THSD7B: variants seen among roughly 807,000 people sequenced by gnomAD.
THSD7B encodes the protein thrombospondin type-1 domain-containing protein 7B.
Under a neutral mutation model 213.6 loss-of-function variants are expected in THSD7B, and 138 were observed. The observed-to-expected ratio is 0.65, with a 90% CI of 0.56 to 0.74. The LOEUF is 0.74. Among genes scored for constraint, THSD7B ranks in the 30% least tolerant of loss-of-function variants. THSD7B has a pLI of 0.00. For missense variants in THSD7B, 1,931 were observed against 1,991.5 expected (o/e 0.97, Z 0.58); for synonymous variants, 742 against 687.0 (o/e 1.08, Z -1.25).
At chr2:136,936,781 T>G (rs369559884) in intron 2 of THSD7B, among the ~76,000 whole-genome samples, 1 of 152,074 alleles carries the variant, frequency 6.6e-6, no homozygotes, top group African/African-American at 2.4e-5. Context: ...AGCTTACTCA[T>G]GTAACCAAAT....
chr2:136,899,153 G>A (rs1684018478), intron 2 of THSD7B, among the ~76,000 whole-genome samples: 1 of 152,068 alleles, frequency 6.6e-6, no homozygotes, highest in African/African-American at 2.4e-5. Flanking sequence ...AGCTTATATT[G>A]TCGAGAGGAC....
rs1036584420 is a variant in THSD7B, at chr2:137,250,210, A to G, written c.2266+7638A>G. On this transcript the variant is annotated intron_variant, in intron 10 of 27. Coordinates refer to ENST00000409968, the MANE Select transcript of THSD7B (RefSeq NM_001316349.2). ...ATTAAATTTATAATAGCTATAATTT[A>G]TATGCATTACTCTATTTGATTACTT... is the stretch of plus-strand genomic sequence containing the variant. Among the ~76,000 whole-genome samples, 46 of 152,240 alleles carry G rather than the reference A, an allele frequency of 3.0e-4. 1 individual carries two copies. Among genetic ancestry groups the G allele is most frequent in the Non-Finnish European group, 1.6e-4 (11 of 68,040 alleles).
intron 10 of THSD7B, among the ~76,000 whole-genome samples, chr2:137,266,914 G>A (rs1386455605): frequency 6.6e-6 from 1 of 152,028 alleles, no homozygotes; most frequent in South Asian, 2.1e-4. Flanking sequence ...CTCATTAATC[G>A]AATAACTCTG....
chr2:137,100,606 C>T (rs1295325509), intron 4 of THSD7B, among the ~76,000 whole-genome samples: 4 of 151,960 alleles, frequency 2.6e-5, no homozygotes, highest in Non-Finnish European at 4.4e-5. Context: ...AGAGTAGCAC[C>T]TAGAAAAGTG....
intron 12 of THSD7B, among the ~76,000 whole-genome samples, chr2:137,321,925 T>C (rs1222160567): frequency 1.3e-5 from 2 of 152,136 alleles, no homozygotes; most frequent in South Asian, 2.1e-4. Flanking sequence ...GTGAGATGCA[T>C]TGGCTTTATT....
rs59827221 is a variant in THSD7B at position 136,913,333 on chromosome 2, G to C, written c.139+31016G>C. Among the ~76,000 whole-genome samples the C allele has an allele frequency of 8.7e-3, 1,321 of 152,324 alleles. 29 individuals are homozygous for C. Among genetic ancestry groups the C allele is most frequent in the African/African-American group, 0.031 (1,278 of 41,560 alleles). On this transcript the variant is annotated intron_variant, in intron 2 of 27. Transcript: ENST00000409968. Reference sequence around the variant, plus strand: ...GACATTCAGTGTTAAAAGGGAAATAGAGCATAAAAGTTCAGAAAATTTGCA... The same window carrying C: ...GACATTCAGTGTTAAAAGGGAAATACAGCATAAAAGTTCAGAAAATTTGCA...
At chr2:137,532,988 CTGTATCTA>C (rs1490232934) in intron 15 of THSD7B, among the ~76,000 whole-genome samples, 1 of 150,818 alleles carries the variant, frequency 6.6e-6, no homozygotes, top group Non-Finnish European at 1.5e-5. Flanking sequence ...TACATTCTGT[CTGTATCTA>C]TGTATCTATG....
chr2:137,082,088 T>A (rs528630330), intron 3 of THSD7B, among the ~76,000 whole-genome samples: 1 of 152,146 alleles, frequency 6.6e-6, no homozygotes, highest in African/African-American at 2.4e-5. Context: ...AACTGCCAAG[T>A]TCCGAACTGT....
chr2:136,945,322 T>A (rs931866441), intron 2 of THSD7B, among the ~76,000 whole-genome samples: 2 of 152,062 alleles, frequency 1.3e-5, no homozygotes, highest in African/African-American at 4.8e-5. Flanking sequence ...GGTTGTAGAG[T>A]TTCTGCCAAG....
intron 12 of THSD7B, among the ~76,000 whole-genome samples, chr2:137,373,021 A>G (rs1403899233): frequency 6.6e-6 from 1 of 152,048 alleles, no homozygotes; most frequent in African/African-American, 2.4e-5. Context: ...TACAAAGGAC[A>G]TGAACTCATC....
At chr2:137,053,057 A>C (rs2104873275) in intron 2 of THSD7B, among the ~76,000 whole-genome samples, 1 of 152,252 alleles carries the variant, frequency 6.6e-6, no homozygotes, top group Non-Finnish European at 1.5e-5. Flanking sequence ...AGGTTTATTA[A>C]CATGCATGTG....
At chr2:137,327,890 C>A (rs1684407323) in intron 12 of THSD7B, among the ~76,000 whole-genome samples, 1 of 152,048 alleles carries the variant, frequency 6.6e-6, no homozygotes, top group African/African-American at 2.4e-5. Flanking sequence ...TCTTTGGGAG[C>A]CTCTTTGTGA....
chr2:137,611,463 G>C (rs1682288205), intron 17 of THSD7B, among the ~76,000 whole-genome samples: 1 of 151,972 alleles, frequency 6.6e-6, no homozygotes. Flanking sequence ...TGATGAAATT[G>C]CTTAACCTCT....
intron 1 of THSD7B, among the ~76,000 whole-genome samples, chr2:136,817,286 C>T (rs113075392): frequency 0.016 from 2,500 of 151,876 alleles, 64 homozygotes; most frequent in African/African-American, 0.058. Flanking sequence ...GAGTAGGTTG[C>T]GAAAATTTTC....
In THSD7B at chr2:137,281,772, A is replaced by G. The variant is rs547817361; in HGVS notation, c.2500+5746A>G. ...GGCTGCATAGTATTCCATGGTGTAT[A>G]TGTGCCACATTTTCTTAATCCAGTC... On this transcript the variant is annotated intron_variant, in intron 12 of 27. Transcript: ENST00000409968. Among the ~76,000 whole-genome samples, 6 of 152,174 alleles carry G rather than the reference A, an allele frequency of 3.9e-5. No individual in the cohort carries two copies. The East Asian group carries it at 7.7e-4, about 20-fold the overall frequency.
intron 2 of THSD7B, among the ~76,000 whole-genome samples, chr2:136,898,425 G>A (rs1433975181): frequency 2.0e-5 from 3 of 152,038 alleles, no homozygotes; most frequent in Non-Finnish European, 4.4e-5. Context: ...GCCCGCCTCC[G>A]TCTTCCAAAG....
intron 1 of THSD7B, among the ~76,000 whole-genome samples, chr2:136,880,610 C>T (rs1245880516): frequency 6.6e-6 from 1 of 152,012 alleles, no homozygotes; most frequent in African/African-American, 2.4e-5. Flanking sequence ...AAAGGGATCC[C>T]ATCAGTTCAG....
At chr2:137,631,297 A>G (rs1443500626) in intron 20 of THSD7B, among the ~76,000 whole-genome samples, 1 of 152,216 alleles carries the variant, frequency 6.6e-6, no homozygotes, top group Non-Finnish European at 1.5e-5. Context: ...TTGAATTTTC[A>G]TCAGTTTAGT....
At chr2:137,425,074 AAAT>A (rs539396572) in intron 14 of THSD7B, among the ~76,000 whole-genome samples, 4,916 of 77,834 alleles carry the variant, frequency 0.063, 118 homozygotes, top group Non-Finnish European at 0.091. Flanking sequence ...TCTGTCTCAA[AAAT>A]AATAATAATA....
Sources: gnomAD v4.1 joint callset for allele counts (sites outside exome capture counted in the v4.1 genomes callset) on GRCh38, gnomAD v4.1.1 for gene constraint, MANE v1.5 for transcripts, NCBI Gene and HGNC (gene_info 2026-07-23, HGNC 2026-07-21) for gene names.